KCNH8: variants seen among roughly 807,000 people sequenced by gnomAD.
KCNH8 encodes voltage-gated delayed rectifier potassium channel KCNH8.
A neutral mutation model predicts 103.6 loss-of-function variants in KCNH8; 70 were observed. The ratio of observed to expected loss-of-function variants is 0.68; its 90% CI spans 0.56 to 0.82. KCNH8 has a LOEUF of 0.82. KCNH8 is among the 40% of genes least tolerant of loss of function. The probability of loss-of-function intolerance (pLI) is 0.00; values close to 1 mark genes in which losing one functional copy is unlikely to be tolerated. For missense variants in KCNH8, 1,217 were observed against 1,329.9 expected (o/e 0.92, Z 1.32); for synonymous variants, 498 against 489.4 (o/e 1.02, Z -0.23).
At chr3:19,357,318 CTTG>C (rs1289061056) in intron 5 of KCNH8, among the ~76,000 whole-genome samples, 3 of 151,832 alleles carry the variant, frequency 2.0e-5, no homozygotes, top group Non-Finnish European at 4.4e-5. Context: ...CTGCAGCTGT[CTTG>C]TTATCATTCA....
intron 1 of KCNH8, among the ~76,000 whole-genome samples, chr3:19,244,686 G>A (rs963395637): frequency 1.3e-5 from 2 of 151,978 alleles, no homozygotes; most frequent in Non-Finnish European, 1.5e-5. Flanking sequence ...ATGGTATCTC[G>A]TTGTGGGTTT....
intron 1 of KCNH8, among the ~76,000 whole-genome samples, chr3:19,207,798 A>T (rs749107927): frequency 3.3e-5 from 5 of 152,026 alleles, no homozygotes; most frequent in Non-Finnish European, 7.4e-5. Flanking sequence ...AGTTGTGTCT[A>T]GAAGACTGTG....
chr3:19,199,560 A>G (rs1322852663), intron 1 of KCNH8, among the ~76,000 whole-genome samples: 1 of 149,692 alleles, frequency 6.7e-6, no homozygotes, highest in Non-Finnish European at 1.5e-5. Flanking sequence ...TATAATAACT[A>G]TATATTTAAA....
chr3:19,270,862 TTTC>T (rs2064578175), intron 2 of KCNH8, among the ~76,000 whole-genome samples: 1 of 151,150 alleles, frequency 6.6e-6, no homozygotes, highest in Admixed American at 6.6e-5. Context: ...TTTTACTTCT[TTTC>T]TTATTTCCAA....
chr3:19,216,757 T>C (rs1255003829), intron 1 of KCNH8, among the ~76,000 whole-genome samples: 4 of 152,218 alleles, frequency 2.6e-5, no homozygotes. Context: ...TTATGTTCTC[T>C]TCAGTTTTGT....
Position 19,323,952 on chromosome 3 carries a change from G to A in KCNH8, c.443-18635G>A, listed in dbSNP as rs59710122. 6.4e-3 allele frequency among the ~76,000 whole-genome samples: 972 copies of A among 152,302 alleles called. 7 individuals carry two copies. The highest frequency in any genetic ancestry group is 0.022 in the African/African-American group (904 of 41,566). ...TGTGAAGGTTCTTGGTTGTATTTTT[G>A]TTAAGTGCACTGGTTTTATATTGGT... is the stretch of plus-strand genomic sequence containing the variant. On this transcript the variant is annotated intron_variant, in intron 3 of 15. Coordinates refer to ENST00000328405, the MANE Select transcript of KCNH8 (RefSeq NM_144633.3).
chr3:19,515,326 G>C lies in KCNH8; in HGVS notation c.2440G>C (p.Val814Leu), dbSNP rs371180966. The change falls in exon 14 of 16, where the codon GTT becomes CTT. Residue 814 changes from valine (V) to leucine (L), a missense_variant. Physicochemically the swap from Val to Leu is conservative, Grantham distance 32 (BLOSUM62 1). Around this residue, in one of 3 missense-constraint regions of KCNH8, gnomAD observed 558 missense variants for 495.8 expected, o/e 1.13. Coordinates refer to ENST00000328405, the MANE Select transcript of KCNH8 (RefSeq NM_144633.3). ...AGPPDLSPRI[V>L]DGIEDGNSSE... ...AATTTCCTTTATTTTAAGTAGGATTGTTGATGGAATTGAAGATGGAAACAG... is the reference window on the plus strand; with the variant it reads ...AATTTCCTTTATTTTAAGTAGGATTCTTGATGGAATTGAAGATGGAAACAG... 1.3e-6 allele frequency: 2 copies of C among 1,580,646 alleles called. No individual in the cohort carries two copies. The highest frequency in any genetic ancestry group is 1.2e-5 in the South Asian group (1 of 86,610).
At chr3:19,243,323 C>T (rs1253178759) in intron 1 of KCNH8, among the ~76,000 whole-genome samples, 1 of 152,064 alleles carries the variant, frequency 6.6e-6, no homozygotes, top group Non-Finnish European at 1.5e-5. Flanking sequence ...CAAGTATCAC[C>T]TTAATTAAAG....
At chr3:19,315,767 T>TGA (rs1320096722) in intron 3 of KCNH8, among the ~76,000 whole-genome samples, 1 of 152,018 alleles carries the variant, frequency 6.6e-6, no homozygotes, top group Non-Finnish European at 1.5e-5. Flanking sequence ...TAGATATTAC[T>TGA]GAGATTATTA....
chr3:19,153,859 C>G (rs970546134), intron 1 of KCNH8, among the ~76,000 whole-genome samples: 1 of 151,952 alleles, frequency 6.6e-6, no homozygotes, highest in Non-Finnish European at 1.5e-5. Context: ...GTCTTGAACT[C>G]ATGACCTCGT....
At chr3:19,495,216 A>G (rs1459255531) in intron 11 of KCNH8, among the ~76,000 whole-genome samples, 2 of 151,966 alleles carry the variant, frequency 1.3e-5, no homozygotes, top group Non-Finnish European at 2.9e-5. Flanking sequence ...CCCATTTGTC[A>G]ATTTTTGCCT....
chr3:19,186,313 T>C (rs1348452174), intron 1 of KCNH8, among the ~76,000 whole-genome samples: 1 of 150,080 alleles, frequency 6.7e-6, no homozygotes, highest in East Asian at 1.9e-4. Flanking sequence ...AGAAAAAAAA[T>C]TGCAACGCAC....
chr3:19,236,857 T>C (rs1168294136), intron 1 of KCNH8, among the ~76,000 whole-genome samples: 3 of 152,222 alleles, frequency 2.0e-5, no homozygotes, highest in African/African-American at 7.2e-5. Flanking sequence ...GCCATACATA[T>C]ATTATGCTAA....
At position 19,533,985 on chromosome 3, in the gene KCNH8, A is replaced by G. The variant is rs753389069; in HGVS notation, c.3210A>G (p.Gly1070=). The change falls in exon 16 of 16, where the codon GGA becomes GGG. Residue 1070 remains glycine (G), a synonymous_variant. Transcript: ENST00000328405. ...VSSFSLENLP[G]SWNQEGMASA... ...CCTTCAGTCTGGAAAACTTACCAGGATCTTGGAACCAGGAAGGAATGGCAT... is the reference window on the plus strand; with the variant it reads ...CCTTCAGTCTGGAAAACTTACCAGGGTCTTGGAACCAGGAAGGAATGGCAT... 6.2e-6 allele frequency: 10 copies of G among 1,614,170 alleles called. No homozygotes were observed. In the South Asian group the frequency reaches 1.1e-4, roughly 18 times the overall value.
At chr3:19,531,775 T>C (rs2069165497) in intron 15 of KCNH8, among the ~76,000 whole-genome samples, 1 of 152,220 alleles carries the variant, frequency 6.6e-6, no homozygotes, top group Non-Finnish European at 1.5e-5. Context: ...TGTTGAAGAA[T>C]GTCTGCCCAA....
chr3:19,426,177 C>A (rs543766681), intron 7 of KCNH8, among the ~76,000 whole-genome samples: 40 of 152,214 alleles, frequency 2.6e-4, no homozygotes, highest in African/African-American at 9.1e-4. Context: ...TCCTGCTGGG[C>A]TATGCTCCTG....
At chr3:19,431,974 G>C (rs1454927454) in intron 7 of KCNH8, among the ~76,000 whole-genome samples, 1 of 151,526 alleles carries the variant, frequency 6.6e-6, no homozygotes, top group East Asian at 1.9e-4. Flanking sequence ...TCTTTTGAAG[G>C]GTTTTTCGTG....
chr3:19,449,199 G>A (rs2067406583), intron 8 of KCNH8, among the ~76,000 whole-genome samples: 1 of 151,584 alleles, frequency 6.6e-6, no homozygotes, highest in Middle Eastern at 3.2e-3. Context: ...ACACTTTGAT[G>A]GTAGGTTTGG....
intron 1 of KCNH8, among the ~76,000 whole-genome samples, chr3:19,222,085 G>A (rs545559043): frequency 1.4e-3 from 219 of 152,198 alleles, no homozygotes; most frequent in African/African-American, 4.8e-3. Context: ...TCCTGACCCC[G>A]TGATCCTCCC....
Sources: allele counts gnomAD v4.1 joint callset (sites outside exome capture counted in the v4.1 genomes callset), GRCh38; gene constraint gnomAD v4.1.1; regional missense constraint gnomAD v4.1.1; transcripts MANE v1.5; gene names NCBI Gene and HGNC (gene_info 2026-07-23, HGNC 2026-07-21).